PRDM5: variants seen among roughly 807,000 people sequenced by gnomAD.
The protein encoded by PRDM5 is PR domain zinc finger protein 5.
A neutral mutation model predicts 81.2 loss-of-function variants in PRDM5; 56 were observed. The observed-to-expected ratio is 0.69, with a 90% CI of 0.56 to 0.86. The LOEUF (loss-of-function observed/expected upper bound fraction) is 0.86, where lower values mean the gene tolerates loss of function less well. Ranked by LOEUF, PRDM5 falls within the 40% of genes least tolerant of loss-of-function variation. The probability of loss-of-function intolerance (pLI) is 0.00; values close to 1 mark genes in which losing one functional copy is unlikely to be tolerated. For missense variants in PRDM5, 697 were observed against 770.1 expected, an observed-to-expected ratio of 0.91 and a Z score of 1.12; for synonymous variants, 267 against 256.4, an observed-to-expected ratio of 1.04 and a Z score of -0.39.
intron 2 of PRDM5, among the ~76,000 whole-genome samples, chr4:120,867,779 T>C (rs575135786): frequency 5.9e-5 from 9 of 152,222 alleles, no homozygotes; most frequent in Non-Finnish European, 7.3e-5. Context: ...AATTACAAAG[T>C]GACAAAAACA....
intron 14 of PRDM5, 41 bp downstream of exon 14, chr4:120,754,512 G>C (rs370968504): frequency 5.1e-6 from 7 of 1,363,390 alleles, no homozygotes; most frequent in Non-Finnish European, 7.3e-6. Flanking sequence ...AATAAGTATG[G>C]TTTTCATGAT....
chr4:120,860,597 C>T (rs1045577010), intron 2 of PRDM5, among the ~76,000 whole-genome samples: 1 of 151,598 alleles, frequency 6.6e-6, no homozygotes, highest in African/African-American at 2.4e-5. Flanking sequence ...CAACAGTGAC[C>T]ACTTTCTCCC....
chr4:120,860,212 T>TTA (rs1394320188), intron 2 of PRDM5, among the ~76,000 whole-genome samples: 1 of 152,230 alleles, frequency 6.6e-6, no homozygotes, highest in East Asian at 1.9e-4. Flanking sequence ...AGCCTGTTAT[T>TTA]TGATACAGTC....
chr4:120,759,095 T>C (rs950433122), intron 13 of PRDM5, among the ~76,000 whole-genome samples: 3 of 150,376 alleles, frequency 2.0e-5, no homozygotes, highest in African/African-American at 7.4e-5. Context: ...CTCTTATCAC[T>C]GATATCTACA....
chr4:120,790,968 A>AAC (rs139753459), intron 10 of PRDM5, among the ~76,000 whole-genome samples: 30,237 of 152,068 alleles, frequency 0.2, 3,648 homozygotes, highest in Non-Finnish European at 0.28. Flanking sequence ...AAAACAGAAA[A>AAC]ACACACATAC....
intron 14 of PRDM5, among the ~76,000 whole-genome samples, chr4:120,745,305 A>G (rs1343988376): frequency 8.1e-6 from 1 of 122,942 alleles, no homozygotes; most frequent in African/African-American, 3.3e-5. Flanking sequence ...GCTATCTATG[A>G]CAAACCCACA....
At chr4:120,856,358 C>T (rs1247812561) in intron 2 of PRDM5, among the ~76,000 whole-genome samples, 1 of 152,150 alleles carries the variant, frequency 6.6e-6, no homozygotes, top group African/African-American at 2.4e-5. Context: ...TTTGAAATAA[C>T]TTTCTTTGTT....
At chr4:120,777,827 T>G (rs2149228722) in intron 12 of PRDM5, among the ~76,000 whole-genome samples, 1 of 152,224 alleles carries the variant, frequency 6.6e-6, no homozygotes, top group South Asian at 2.1e-4. Context: ...TGAAAGCATA[T>G]TTCTGCCCTC....
chr4:120,714,242 TG>T (rs1349909857), intron 14 of PRDM5, among the ~76,000 whole-genome samples: 1 of 152,226 alleles, frequency 6.6e-6, no homozygotes, highest in Non-Finnish European at 1.5e-5. Flanking sequence ...TGACTGAATA[TG>T]ACTACTTTTC....
chr4:120,889,119 T>C (rs2148616851), intron 2 of PRDM5, among the ~76,000 whole-genome samples: 1 of 152,304 alleles, frequency 6.6e-6, no homozygotes, highest in Non-Finnish European at 1.5e-5. Flanking sequence ...TAGTGTTTAT[T>C]GTGCTTATTT....
intron 2 of PRDM5, among the ~76,000 whole-genome samples, chr4:120,895,254 AT>A (rs1198272766): frequency 2.6e-5 from 4 of 152,276 alleles, no homozygotes; most frequent in African/African-American, 4.8e-5. Flanking sequence ...CTACATTCAC[AT>A]TTTTTTAAGG....
rs559363313 is a variant in PRDM5 at position 120,797,133 on chromosome 4, T to C, written c.1188+1134A>G. 9.2e-5 allele frequency among the ~76,000 whole-genome samples: 14 copies of C among 152,206 alleles called. No individual in the cohort carries two copies. In the South Asian group the frequency reaches 2.7e-3, roughly 29 times the overall value. On this transcript the variant is annotated intron_variant, in intron 10 of 15. Coordinates refer to ENST00000264808, the MANE Select transcript of PRDM5 (RefSeq NM_018699.4). ...AACAGAAGAAACTAGGACACTATAT[T>C]AATAACTTGAAGAGAAAGAAGAAGG...
chr4:120,794,334 T>A (rs1481639811), intron 10 of PRDM5, among the ~76,000 whole-genome samples: 1 of 152,178 alleles, frequency 6.6e-6, no homozygotes, highest in Non-Finnish European at 1.5e-5. Flanking sequence ...CAAGAACTTT[T>A]TTTTTTACTA....
At chr4:120,910,924 G>A (rs1045697006) in intron 1 of PRDM5, among the ~76,000 whole-genome samples, 1 of 152,090 alleles carries the variant, frequency 6.6e-6, no homozygotes, top group Non-Finnish European at 1.5e-5. Flanking sequence ...TTTCACACTA[G>A]CAGATAGGAA....
At chr4:120,863,788 A>T (rs1413380242) in intron 2 of PRDM5, among the ~76,000 whole-genome samples, 5 of 152,218 alleles carry the variant, frequency 3.3e-5, no homozygotes, top group Non-Finnish European at 5.9e-5. Context: ...AAAGAGGTGA[A>T]TCCACTGTAG....
intron 13 of PRDM5, among the ~76,000 whole-genome samples, chr4:120,760,375 G>A (rs921960459): frequency 5.3e-5 from 8 of 152,056 alleles, no homozygotes; most frequent in Admixed American, 5.2e-4. Context: ...TGTGTCTTGA[G>A]AACTACATAC....
intron 14 of PRDM5, among the ~76,000 whole-genome samples, chr4:120,714,632 T>C (rs1737487046): frequency 1.3e-5 from 2 of 152,130 alleles, no homozygotes; most frequent in African/African-American, 4.8e-5. Flanking sequence ...TGTCTGGAAG[T>C]CTAGTTCTCT....
intron 2 of PRDM5, among the ~76,000 whole-genome samples, chr4:120,861,490 T>C (rs1760566429): frequency 6.6e-6 from 1 of 152,114 alleles, no homozygotes; most frequent in Non-Finnish European, 1.5e-5. Context: ...ACAGTCTTGA[T>C]GGTGTTTTTA....
chr4:120,749,989 A>C (rs1433480465), intron 14 of PRDM5, among the ~76,000 whole-genome samples: 1 of 152,220 alleles, frequency 6.6e-6, no homozygotes, highest in Admixed American at 6.5e-5. Flanking sequence ...GCTGTCCAAC[A>C]GAGCTTTCTG....
Sources: gnomAD v4.1 joint callset for allele counts (sites outside exome capture counted in the v4.1 genomes callset) on GRCh38, gnomAD v4.1.1 for gene constraint, MANE v1.5 for transcripts, NCBI Gene and HGNC (gene_info 2026-07-23, HGNC 2026-07-21) for gene names.